Variants in HERC3 observed in about 807,000 individuals in gnomAD.
HERC3 encodes probable E3 ubiquitin-protein ligase HERC3.
HERC3 carries 58 observed loss-of-function variants against 129.9 expected under a neutral mutation model. The ratio of observed to expected loss-of-function variants is 0.45; its 90% CI spans 0.36 to 0.56. HERC3 has a LOEUF of 0.56. HERC3 is among the 20% of genes least tolerant of loss of function. The pLI, the probability that HERC3 is intolerant of heterozygous loss-of-function variation, is 0.00. For missense variants in HERC3, 835 were observed against 1,244.2 expected, an observed-to-expected ratio of 0.67 and a Z score of 4.95; for synonymous variants, 430 against 451.0, an observed-to-expected ratio of 0.95 and a Z score of 0.59.
intron 9 of HERC3, among the ~76,000 whole-genome samples, chr4:88,657,796 T>TA (rs762673269): frequency 6.6e-6 from 1 of 151,392 alleles, no homozygotes; most frequent in Admixed American, 6.6e-5. Flanking sequence ...TAGAGGACTG[T>TA]GAGGGAGTTG....
At chr4:88,530,164 C>T in the HERC3 span, among the ~76,000 whole-genome samples, 1 of 152,124 alleles carries the variant, frequency 6.6e-6, no homozygotes, top group East Asian at 1.9e-4. Context: ...GGTGGCAGTG[C>T]CTATAATCCC....
At chr4:88,642,612 A>G (rs1728241772) in intron 3 of HERC3, among the ~76,000 whole-genome samples, 1 of 152,212 alleles carries the variant, frequency 6.6e-6, no homozygotes, top group South Asian at 2.1e-4. Flanking sequence ...TGTCATCCTC[A>G]TAGATGGTAC....
chr4:88,660,117 A>G (rs1730329533), intron 10 of HERC3, among the ~76,000 whole-genome samples: 2 of 152,236 alleles, frequency 1.3e-5, no homozygotes, highest in Admixed American at 6.5e-5. Flanking sequence ...ATGATTATTT[A>G]GATACAGAGG....
the HERC3 span, among the ~76,000 whole-genome samples, chr4:88,537,455 G>A: frequency 3.3e-5 from 5 of 151,994 alleles, no homozygotes; most frequent in Admixed American, 6.6e-5. Context: ...CACATTTTTT[G>A]CCAGGATACC....
chr4:88,696,155 C>T (rs1312821613), intron 23 of HERC3: 5 of 152,546 alleles, frequency 3.3e-5, no homozygotes, highest in Middle Eastern at 3.2e-3. Flanking sequence ...AATGAAGGCA[C>T]AGCTAATACA....
At chr4:88,571,110 T>C in the HERC3 span, among the ~76,000 whole-genome samples, 1 of 151,928 alleles carries the variant, frequency 6.6e-6, no homozygotes, top group Non-Finnish European at 1.5e-5. Context: ...CAGGCTGGAG[T>C]GCAGTGGTCA....
intron 1 of HERC3, among the ~76,000 whole-genome samples, chr4:88,593,707 TAAG>T (rs1011000672): frequency 5.9e-5 from 9 of 152,216 alleles, no homozygotes; most frequent in Non-Finnish European, 1.0e-4. Flanking sequence ...TTTCCACAAA[TAAG>T]AAGCTATTTC....
the HERC3 span, among the ~76,000 whole-genome samples, chr4:88,569,041 G>T: frequency 1.3e-5 from 2 of 152,046 alleles, no homozygotes; most frequent in African/African-American, 2.4e-5. Context: ...GACCTGCCCA[G>T]GAATTACAAT....
At chr4:88,654,349 CATATATATATATATAT>C (rs869126362) in intron 7 of HERC3, among the ~76,000 whole-genome samples, 9 of 70,950 alleles carry the variant, frequency 1.3e-4, no homozygotes, top group African/African-American at 3.5e-4. Flanking sequence ...GTAGATTTTT[CATATATATATATATAT>C]ATATATATAT....
intron 21 of HERC3, among the ~76,000 whole-genome samples, chr4:88,685,906 A>C (rs1188717998): frequency 1.3e-5 from 2 of 152,182 alleles, no homozygotes; most frequent in African/African-American, 4.8e-5. Context: ...ATTTAAAAAG[A>C]AGCTCTTTTT....
chr4:88,681,565 A>G (rs1732783961), intron 21 of HERC3, among the ~76,000 whole-genome samples: 1 of 152,232 alleles, frequency 6.6e-6, no homozygotes, highest in Admixed American at 6.5e-5. Context: ...GCAGATACCA[A>G]AATCCACATG....
upstream of HERC3, among the ~76,000 whole-genome samples, chr4:88,589,575 G>A (rs1033449892): frequency 6.6e-6 from 1 of 152,136 alleles, no homozygotes; most frequent in Non-Finnish European, 1.5e-5. Flanking sequence ...TATATAGTAC[G>A]TTTGTTAGAG....
chr4:88,597,823 A>G (rs1396028541), intron 2 of HERC3: 1 of 152,238 alleles, frequency 6.6e-6, no homozygotes, highest in African/African-American at 2.4e-5. Flanking sequence ...TGGAGGAGAG[A>G]GAAAACAGCA....
At chr4:88,693,667 T>G (rs1376372701) in intron 23 of HERC3, 1 of 983,610 alleles carries the variant, frequency 1.0e-6, no homozygotes, top group Non-Finnish European at 1.2e-6. Context: ...TACATGTGTG[T>G]ATATGTGTAA....
intron 3 of HERC3, among the ~76,000 whole-genome samples, chr4:88,630,636 A>C (rs1726642914): frequency 6.6e-6 from 1 of 152,234 alleles, no homozygotes. Flanking sequence ...AGGGACTATT[A>C]GTATTTTCAC....
In HERC3 at chr4:88,668,697, T is replaced by C. The variant is rs527375580; in HGVS notation, c.1633+616T>C. 3.9e-5 allele frequency: 6 copies of C among 153,438 alleles called. No homozygotes were observed. The East Asian group carries it at 9.6e-4, about 25-fold the overall frequency. 9.5% of individuals were successfully genotyped at this position (153,438 alleles called of 1,614,324 possible). ...TCTATCACCTGGCTTTTTACTTTTT[T>C]CCCCCCTGGTAAATTTTGTTAGGTG... is the stretch of plus-strand genomic sequence containing the variant. On this transcript the variant is annotated intron_variant, in intron 14 of 25. Coordinates refer to ENST00000402738, the MANE Select transcript of HERC3 (RefSeq NM_014606.3).
the HERC3 span, among the ~76,000 whole-genome samples, chr4:88,575,435 C>G: frequency 1.2e-4 from 19 of 152,316 alleles, no homozygotes; most frequent in African/African-American, 4.3e-4. Flanking sequence ...GAGATGATGT[C>G]ACTTGCTCTC....
At chr4:88,569,741 C>T in the HERC3 span, among the ~76,000 whole-genome samples, 2 of 152,226 alleles carry the variant, frequency 1.3e-5, no homozygotes, top group Non-Finnish European at 2.9e-5. Flanking sequence ...TCAGCTTTCC[C>T]TTCCCTAAGG....
At chr4:88,671,512 T>C (rs1439891735) in intron 16 of HERC3, among the ~76,000 whole-genome samples, 1 of 152,174 alleles carries the variant, frequency 6.6e-6, no homozygotes, top group Admixed American at 6.5e-5. Context: ...ATTTTATGAT[T>C]ACCCTGAGAA....
Sources: allele counts gnomAD v4.1 joint callset (sites outside exome capture counted in the v4.1 genomes callset), GRCh38; gene constraint gnomAD v4.1.1; transcripts MANE v1.5; gene names NCBI Gene and HGNC (gene_info 2026-07-23, HGNC 2026-07-21).